CAST: variants seen among roughly 807,000 people sequenced by gnomAD.
The protein encoded by CAST is calpastatin.
Under a neutral mutation model 119.6 loss-of-function variants are expected in CAST, and 76 were observed. That is an observed-to-expected ratio of 0.64 (90% CI 0.53 to 0.77). The LOEUF (loss-of-function observed/expected upper bound fraction) is 0.77, where lower values mean the gene tolerates loss of function less well. Ranked by LOEUF, CAST falls within the 30% of genes least tolerant of loss-of-function variation. The pLI is 0.00. For synonymous variants in CAST, 319 were observed against 331.6 expected (o/e 0.96, Z 0.41); for missense variants, 953 against 946.5 (o/e 1.01, Z -0.09).
intron 1 of CAST, among the ~76,000 whole-genome samples, chr5:96,616,733 T>G (rs1352467460): frequency 2.8e-5 from 3 of 108,518 alleles, no homozygotes; most frequent in African/African-American, 4.1e-5. Flanking sequence ...TCGCTCGCTC[T>G]CTCTCTCTCT....
chr5:96,551,723 G>T (rs1045867547), intron 1 of CAST, among the ~76,000 whole-genome samples: 1 of 151,844 alleles, frequency 6.6e-6, no homozygotes, highest in African/African-American at 2.4e-5. Context: ...GATGGAGAAA[G>T]ATCTACCAAG....
chr5:96,502,718 T>G, the CAST span, among the ~76,000 whole-genome samples: 1 of 151,902 alleles, frequency 6.6e-6, no homozygotes, highest in Non-Finnish European at 1.5e-5. Flanking sequence ...AGGTGGGAGT[T>G]TATGTTTTTT....
chr5:96,409,190 G>T, the CAST span, among the ~76,000 whole-genome samples: 79 of 152,316 alleles, frequency 5.2e-4, 1 homozygote, highest in Middle Eastern at 3.4e-3. Flanking sequence ...AAGGACCACG[G>T]CGCTGCTGGT....
the CAST span, among the ~76,000 whole-genome samples, chr5:96,171,800 G>A: frequency 3.3e-5 from 5 of 152,234 alleles, no homozygotes; most frequent in African/African-American, 4.8e-5. Context: ...GTGCTTACCC[G>A]ATTTAAAATT....
chr5:96,028,080 A>T, the CAST span, among the ~76,000 whole-genome samples: 7 of 152,116 alleles, frequency 4.6e-5, no homozygotes, highest in Admixed American at 6.5e-5. Context: ...AGAACTTTTA[A>T]TATTTTATTC....
the CAST span, among the ~76,000 whole-genome samples, chr5:96,323,805 G>A: frequency 1.3e-5 from 2 of 152,208 alleles, no homozygotes; most frequent in Admixed American, 6.5e-5. Context: ...GAAGAAACCA[G>A]GGGCCCTGAA....
At chr5:96,707,023 C>G (rs1056913017) in intron 3 of CAST, among the ~76,000 whole-genome samples, 4 of 152,170 alleles carry the variant, frequency 2.6e-5, no homozygotes, top group Non-Finnish European at 5.9e-5. Flanking sequence ...ACCACTCAAC[C>G]CGAGGTGCAA....
the CAST span, among the ~76,000 whole-genome samples, chr5:96,291,110 T>A: frequency 1.3e-5 from 2 of 152,214 alleles, no homozygotes; most frequent in African/African-American, 4.8e-5. Context: ...TGGAAGCAGA[T>A]CTTCCAGACA....
At chr5:96,329,261 G>A in the CAST span, among the ~76,000 whole-genome samples, 3 of 152,210 alleles carry the variant, frequency 2.0e-5, no homozygotes, top group Non-Finnish European at 2.9e-5. Flanking sequence ...GTGATAACGT[G>A]TGCTTTTAAA....
At chr5:96,762,536 G>T in intron 25 of CAST, 164 bp downstream of exon 25, 1 of 517,948 alleles carries the variant, frequency 1.9e-6, no homozygotes, top group Non-Finnish European at 3.5e-6. Flanking sequence ...CGAGATGGCA[G>T]AGATTAACTT....
At chr5:96,304,778 T>C in the CAST span, among the ~76,000 whole-genome samples, 1 of 152,104 alleles carries the variant, frequency 6.6e-6, no homozygotes, top group Non-Finnish European at 1.5e-5. Flanking sequence ...GGTGTTATTT[T>C]GCAGGCCTCT....
At chr5:96,114,700 A>G in the CAST span, among the ~76,000 whole-genome samples, 8 of 152,228 alleles carry the variant, frequency 5.3e-5, no homozygotes, top group Admixed American at 3.9e-4. Flanking sequence ...GCAGCAGGCC[A>G]TAAGAGGCTT....
At chr5:96,728,980 C>T in intron 6 of CAST, 173 bp from the exon 7 acceptor site, 3 of 579,052 alleles carry the variant, frequency 5.2e-6, no homozygotes, top group Non-Finnish European at 9.3e-6. Flanking sequence ...TTACTATTGA[C>T]CTGATACCAC....
chr5:96,616,386 A>T (rs995862484), intron 1 of CAST, among the ~76,000 whole-genome samples: 1 of 152,180 alleles, frequency 6.6e-6, no homozygotes, highest in African/African-American at 2.4e-5. Context: ...CTGAAGAGTC[A>T]GAGACAGAAA....
At chr5:96,695,734 G>A (rs1036612309) in intron 2 of CAST, 102 bp from the exon 3 acceptor site, 1 of 699,480 alleles carries the variant, frequency 1.4e-6, no homozygotes, top group African/African-American at 1.8e-5. Context: ...ATATTAGTCT[G>A]ATTTTTGCTT....
intron 1 of CAST, among the ~76,000 whole-genome samples, chr5:96,563,455 A>G (rs1211816535): frequency 3.9e-5 from 6 of 152,150 alleles, no homozygotes; most frequent in Admixed American, 1.3e-4. Flanking sequence ...CACTATTTCC[A>G]TAAGTGCTTA....
the CAST span, among the ~76,000 whole-genome samples, chr5:96,354,132 C>A: frequency 6.6e-6 from 1 of 152,154 alleles, no homozygotes; most frequent in African/African-American, 2.4e-5. Flanking sequence ...CAATTACCAC[C>A]ACCTCCATTG....
the CAST span, among the ~76,000 whole-genome samples, chr5:96,187,249 T>C: frequency 6.6e-6 from 1 of 152,146 alleles, no homozygotes; most frequent in African/African-American, 2.4e-5. Flanking sequence ...TTTTCTTCTT[T>C]ATTAGTCTAG....
At chr5:96,091,350 G>A in the CAST span, among the ~76,000 whole-genome samples, 108 of 151,558 alleles carry the variant, frequency 7.1e-4, no homozygotes, top group African/African-American at 1.4e-3. Flanking sequence ...TTACAGTCAC[G>A]CGCCACCATG....
Sources: allele counts gnomAD v4.1 joint callset (sites outside exome capture counted in the v4.1 genomes callset), GRCh38; gene constraint gnomAD v4.1.1; transcripts MANE v1.5; gene names NCBI Gene and HGNC (gene_info 2026-07-23, HGNC 2026-07-21).